SNTG1: variants seen among roughly 807,000 people sequenced by gnomAD.
SNTG1 encodes gamma-1-syntrophin.
SNTG1 carries 39 observed loss-of-function variants against 74.7 expected under a neutral mutation model. The observed-to-expected ratio is 0.52, with a 90% CI of 0.40 to 0.68. The LOEUF is 0.68. Among genes scored for constraint, SNTG1 ranks in the 30% least tolerant of loss-of-function variants. The pLI, the probability that SNTG1 is intolerant of heterozygous loss-of-function variation, is 0.00. For missense variants in SNTG1, 685 were observed against 609.5 expected (o/e 1.12, Z -1.30); for synonymous variants, 254 against 217.1 (o/e 1.17, Z -1.49).
At chr8:50,613,882 G>T (rs2094868393) in intron 13 of SNTG1, among the ~76,000 whole-genome samples, 1 of 152,128 alleles carries the variant, frequency 6.6e-6, no homozygotes, top group African/African-American at 2.4e-5. Context: ...AGGTCTATAT[G>T]TGTAAAAATA....
intron 2 of SNTG1, among the ~76,000 whole-genome samples, chr8:50,229,823 C>T (rs35516514): frequency 0.28 from 42,635 of 151,136 alleles, 6,095 homozygotes; most frequent in Middle Eastern, 0.37. Flanking sequence ...AGAAAAATTA[C>T]GTTTTGGGCA....
chr8:50,335,860 A>ATTTTATTTTATTTTAT (rs549088482), intron 2 of SNTG1, among the ~76,000 whole-genome samples: 1 of 147,228 alleles, frequency 6.8e-6, no homozygotes, highest in African/African-American at 2.5e-5. Context: ...ATTTTATTTT[A>ATTTTATTTTATTTTAT]TTTATGTTAC....
At chr8:50,039,975 G>A (rs953512711) in intron 1 of SNTG1, among the ~76,000 whole-genome samples, 2 of 152,118 alleles carry the variant, frequency 1.3e-5, no homozygotes, top group Non-Finnish European at 2.9e-5. Flanking sequence ...GTGCCTTCGA[G>A]GAAGGTGTCC....
intron 1 of SNTG1, among the ~76,000 whole-genome samples, chr8:49,969,379 C>T (rs1337185933): frequency 7.5e-6 from 1 of 133,572 alleles, no homozygotes; most frequent in Non-Finnish European, 1.6e-5. Flanking sequence ...CATTTTAATT[C>T]ATTTAATCTT....
At chr8:50,699,155 T>A (rs150542266) in intron 15 of SNTG1, among the ~76,000 whole-genome samples, 91 of 152,000 alleles carry the variant, frequency 6.0e-4, no homozygotes, top group South Asian at 2.1e-3. Context: ...TGCTTTTTTT[T>A]AAAAAGGGTT....
intron 1 of SNTG1, among the ~76,000 whole-genome samples, chr8:49,924,455 T>C (rs1053394430): frequency 6.6e-6 from 1 of 152,124 alleles, no homozygotes; most frequent in Admixed American, 6.6e-5. Context: ...GTATGCAGAA[T>C]AATGCAGTAA....
At chr8:50,221,191 A>T (rs918051303) in intron 2 of SNTG1, among the ~76,000 whole-genome samples, 1 of 152,158 alleles carries the variant, frequency 6.6e-6, no homozygotes, top group Admixed American at 6.6e-5. Flanking sequence ...AGACATATAA[A>T]TGTACACAAT....
At chr8:50,658,721 G>A in intron 15 of SNTG1, 58 bp downstream of exon 15, 1 of 1,146,766 alleles carries the variant, frequency 8.7e-7, no homozygotes, top group Non-Finnish European at 1.3e-6. Flanking sequence ...TAGTGCCTCT[G>A]GGCTCATAAG....
At chr8:50,152,632 T>C (rs1402345775) in intron 1 of SNTG1, among the ~76,000 whole-genome samples, 3 of 152,220 alleles carry the variant, frequency 2.0e-5, no homozygotes, top group Admixed American at 6.5e-5. Flanking sequence ...CATTTGCTTG[T>C]CTGTAAAGGA....
chr8:50,536,544 T>C, intron 10 of SNTG1, 134 bp from the exon 11 acceptor site: 1 of 1,058,952 alleles, frequency 9.4e-7, no homozygotes, highest in Non-Finnish European at 1.4e-6. Flanking sequence ...TTTGGACTTC[T>C]TCTCATGGTA....
Position 50,183,605 on chromosome 8 carries a change from T to A in SNTG1, c.-28+10970T>A, listed in dbSNP as rs180956841. Reference sequence around the variant, plus strand: ...TCACCATTTACATACCTTCCCAGCGTTTTTGCCTTTCTCTCCTTCCCACAG... The same window carrying A: ...TCACCATTTACATACCTTCCCAGCGATTTTGCCTTTCTCTCCTTCCCACAG... On this transcript the variant is annotated intron_variant, in intron 2 of 18. Coordinates refer to ENST00000642720, the MANE Select transcript of SNTG1 (RefSeq NM_018967.5). 5.3e-5 allele frequency among the ~76,000 whole-genome samples: 8 copies of A among 152,254 alleles called. No homozygotes were observed. The East Asian group carries it at 1.5e-3, about 29-fold the overall frequency.
In SNTG1 at chr8:50,555,624, T is replaced by C. The variant is rs2094451596; in HGVS notation, c.810+2445T>C. Among the ~76,000 whole-genome samples, 4 of 152,166 alleles carry C rather than the reference T, an allele frequency of 2.6e-5. No individual in the cohort carries two copies. In the South Asian group the frequency reaches 8.3e-4, roughly 31 times the overall value. On this transcript the variant is annotated intron_variant, in intron 12 of 18. Transcript: ENST00000642720. ...CCTTTTTCTTTATTTGCCAATATTC[T>C]GAGAGTATAGGCTTGTATAAGTCTG...
At chr8:50,282,968 A>C (rs867704108) in intron 2 of SNTG1, among the ~76,000 whole-genome samples, 3 of 152,308 alleles carry the variant, frequency 2.0e-5, no homozygotes, top group Middle Eastern at 3.4e-3. Flanking sequence ...ATTCACTAAG[A>C]GTTTCTAAAT....
intron 4 of SNTG1, among the ~76,000 whole-genome samples, chr8:50,409,387 C>T (rs560931906): frequency 1.6e-4 from 25 of 152,280 alleles, no homozygotes; most frequent in South Asian, 8.3e-4. Flanking sequence ...GTGATTTCTT[C>T]AGAGATTACA....
intron 10 of SNTG1, 83 bp from the exon 11 acceptor site, chr8:50,536,595 T>C: frequency 6.8e-7 from 1 of 1,477,838 alleles, no homozygotes; most frequent in South Asian, 1.4e-5. Flanking sequence ...AAAAATAATA[T>C]CCCCCAGATA....
rs2131550182 is a variant in SNTG1 at position 50,708,626 on chromosome 8, C to CA, written c.1192-258dup. ...CACAGCAAAGACAGACAGTGTAGCA[C>CA]AATGTACAGACAAAACTAGAGGGAG... On this transcript the variant is annotated intron_variant, in intron 16 of 18. Coordinates refer to ENST00000642720, the MANE Select transcript of SNTG1 (RefSeq NM_018967.5). 3 of 441,316 alleles carry CA rather than the reference C, an allele frequency of 6.8e-6. No homozygotes were observed. The South Asian group carries it at 1.4e-4, about 20-fold the overall frequency. 27.3% of individuals were successfully genotyped at this position (441,316 alleles called of 1,614,324 possible). A position where few individuals can be genotyped will look rare whatever the true frequency, so the allele number is the denominator to read the frequency against.
intron 12 of SNTG1, among the ~76,000 whole-genome samples, chr8:50,570,594 A>G (rs10100717): frequency 0.11 from 1,270 of 11,270 alleles, 6 homozygotes; most frequent in Middle Eastern, 0.28. Context: ...TATTGTTGTT[A>G]TTATTATTAT....
At chr8:50,283,594 C>G (rs898311399) in intron 2 of SNTG1, among the ~76,000 whole-genome samples, 1 of 152,066 alleles carries the variant, frequency 6.6e-6, no homozygotes, top group Non-Finnish European at 1.5e-5. Context: ...TATTAGTTCT[C>G]CATTTATATA....
At chr8:50,789,544 T>G (rs1049140170) in intron 18 of SNTG1, among the ~76,000 whole-genome samples, 73 of 152,136 alleles carry the variant, frequency 4.8e-4, no homozygotes, top group African/African-American at 1.6e-3. Flanking sequence ...ATCACCTATA[T>G]GTCTAATATG....
Sources: allele counts gnomAD v4.1 joint callset (sites outside exome capture counted in the v4.1 genomes callset), GRCh38; gene constraint gnomAD v4.1.1; transcripts MANE v1.5; gene names NCBI Gene and HGNC (gene_info 2026-07-23, HGNC 2026-07-21).